The following UBN2 variants were observed in gnomAD, a reference collection of about 807,000 sequenced individuals.
UBN2 encodes the protein ubinuclein 2.
Under a neutral mutation model 120.2 loss-of-function variants are expected in UBN2, and 35 were observed. That is an observed-to-expected ratio of 0.29 (90% CI 0.22 to 0.39). The LOEUF (loss-of-function observed/expected upper bound fraction) is 0.39, where lower values mean the gene tolerates loss of function less well. Among genes scored for constraint, UBN2 ranks in the 10% least tolerant of loss-of-function variants. The pLI, the probability that UBN2 is intolerant of heterozygous loss-of-function variation, is 1.00. For synonymous variants in UBN2, 661 were observed against 648.7 expected, an observed-to-expected ratio of 1.02 and a Z score of -0.29; for missense variants, 1,693 against 1,663.2, an observed-to-expected ratio of 1.02 and a Z score of -0.31.
At chr7:139,312,710 T>G (rs12539274), downstream of UBN2, among the ~76,000 whole-genome samples, 15,098 of 152,222 alleles carry the variant, frequency 0.099, 1,344 homozygotes, top group Admixed American at 0.21. Context: ...AGTTTACTTA[T>G]GAAATATTTC....
At chr7:139,295,921 C>T (rs912567848) in intron 17 of UBN2, among the ~76,000 whole-genome samples, 3 of 151,504 alleles carry the variant, frequency 2.0e-5, no homozygotes, top group Non-Finnish European at 2.9e-5. Flanking sequence ...AGTCTGTCCC[C>T]CCCAAAAAAA....
downstream of UBN2, among the ~76,000 whole-genome samples, chr7:139,310,443 T>C (rs939556313): frequency 1.3e-5 from 2 of 152,208 alleles, no homozygotes; most frequent in Non-Finnish European, 2.9e-5. Context: ...TCTCCAGTTA[T>C]AAGCAGTGAT....
intron 5 of UBN2, among the ~76,000 whole-genome samples, 182 bp from the exon 6 acceptor site, chr7:139,261,070 G>A (rs190362400): frequency 1.7e-4 from 26 of 152,240 alleles, no homozygotes; most frequent in African/African-American, 5.3e-4. Context: ...TTTGCCTTTC[G>A]TGGGTGACAT....
At chr7:139,280,975 G>A (rs1797591308) in intron 13 of UBN2, among the ~76,000 whole-genome samples, 1 of 152,148 alleles carries the variant, frequency 6.6e-6, no homozygotes. Flanking sequence ...AGCCTACTTT[G>A]TCTTCTGATC....
rs115243689 is a variant in UBN2 at position 139,235,818 on chromosome 7, C to T, written c.469-1187C>T. Among the ~76,000 whole-genome samples the T allele has an allele frequency of 3.8e-3, 577 of 152,310 alleles. 8 individuals are homozygous for T. Among genetic ancestry groups the T allele is most frequent in the African/African-American group, 0.013 (537 of 41,562 alleles). On this transcript the variant is annotated intron_variant, in intron 1 of 17. Transcript: ENST00000473989. ...TCCTTTAAAGAAGTATCCCTTTATT[C>T]TAATGTCCCAAGTGTGAGGAATTGT... is the stretch of plus-strand genomic sequence containing the variant.
In UBN2 at chr7:139,307,802, C is replaced by G. The variant is rs1167589698; in HGVS notation, c.*9966C>G. 6.6e-6 allele frequency: 1 copy of G among 152,102 alleles called. No homozygotes were observed. Among genetic ancestry groups the G allele is most frequent in the Non-Finnish European group, 1.5e-5 (1 of 68,010 alleles). 9.4% of individuals were successfully genotyped at this position (152,102 alleles called of 1,614,324 possible). A position where few individuals can be genotyped will look rare whatever the true frequency, so the allele number is the denominator to read the frequency against. ...AACTTTAATGGTAAAACATTTCACA[C>G]TTTGGATGGTTTGCTTGTCTCTAGT... is the stretch of plus-strand genomic sequence containing the variant. On this transcript the variant is annotated 3_prime_UTR_variant, in exon 18 of 18. Transcript: ENST00000473989.
rs190673079 is a variant in UBN2 at position 139,308,048 on chromosome 7, T to C, written c.*10212T>C. 60 of 152,060 alleles carry C rather than the reference T, an allele frequency of 3.9e-4. No individual in the cohort carries two copies. The highest frequency in any genetic ancestry group is 1.4e-3 in the African/African-American group (60 of 41,498). The allele number at this position is 152,060 out of a possible 1,614,324, so 9.4% of individuals were successfully genotyped here. On this transcript the variant is annotated 3_prime_UTR_variant, in exon 18 of 18. Coordinates refer to ENST00000473989, the MANE Select transcript of UBN2 (RefSeq NM_173569.4). ...GTGTTTTTTTTTTTTTTTTAATTTT[T>C]TTGCAACAGCCTTGCTCATATTCCA...
chr7:139,278,085 A>G (rs1797496835), intron 12 of UBN2, among the ~76,000 whole-genome samples: 1 of 152,176 alleles, frequency 6.6e-6, no homozygotes, highest in Admixed American at 6.6e-5. Flanking sequence ...CTGTAGTTCT[A>G]AAGCCATATA....
intron 12 of UBN2, chr7:139,276,518 C>T: frequency 4.1e-6 from 1 of 241,768 alleles, no homozygotes; most frequent in South Asian, 5.8e-5. Flanking sequence ...TCCATATGCA[C>T]ACCCACCCTC....
At chr7:139,245,626 G>C (rs1584990112) in intron 2 of UBN2, among the ~76,000 whole-genome samples, 2 of 152,138 alleles carry the variant, frequency 1.3e-5, no homozygotes, top group East Asian at 3.8e-4. Flanking sequence ...GAACCTGTTT[G>C]TTTAGTTTTC....
chr7:139,253,355 T>C (rs937573177), intron 3 of UBN2, among the ~76,000 whole-genome samples: 2 of 152,178 alleles, frequency 1.3e-5, no homozygotes, highest in African/African-American at 4.8e-5. Context: ...TTTCTAGCAG[T>C]GGAATTTATT....
rs760237214 is a variant in UBN2, at chr7:139,284,210, G to C, written c.3305G>C (p.Ser1102Thr). The C allele has an allele frequency of 1.9e-6, 3 of 1,613,964 alleles. No individual in the cohort carries two copies. The highest frequency in any genetic ancestry group is 2.5e-6 in the Non-Finnish European group (3 of 1,180,036). Reference protein sequence around the residue: ...SSPNALVAQGSHSSTNSPVHK... With the variant: ...SSPNALVAQGTHSSTNSPVHK... ...CCAAATGCACTAGTTGCCCAGGGTAGCCACTCCAGCACTAACAGCCCAGTC... is the reference window on the plus strand; with the variant it reads ...CCAAATGCACTAGTTGCCCAGGGTACCCACTCCAGCACTAACAGCCCAGTC... The change falls in exon 15 of 18, where the codon AGC becomes ACC. Residue 1102 changes from serine to threonine, a missense_variant. Coordinates refer to ENST00000473989, the MANE Select transcript of UBN2 (RefSeq NM_173569.4).
At chr7:139,264,574 T>A (rs1797035850) in intron 6 of UBN2, among the ~76,000 whole-genome samples, 1 of 152,078 alleles carries the variant, frequency 6.6e-6, no homozygotes, top group Admixed American at 6.6e-5. Context: ...CCTACACTAT[T>A]TTTGTTTGTT....
At position 139,307,864 on chromosome 7, in the gene UBN2, A is replaced by C. The variant is rs1798389252; in HGVS notation, c.*10028A>C. On this transcript the variant is annotated 3_prime_UTR_variant, in exon 18 of 18. Coordinates refer to ENST00000473989, the MANE Select transcript of UBN2 (RefSeq NM_173569.4). ...TCTTATCACTCCTTCCTAAGAAAAA[A>C]GAAGGGCAGGTAAATTTTTTTAACC... 6.6e-6 allele frequency: 1 copy of C among 152,122 alleles called. No homozygotes were observed. Among genetic ancestry groups the C allele is most frequent in the Admixed American group, 6.5e-5 (1 of 15,270 alleles). 9.4% of individuals were successfully genotyped at this position (152,122 alleles called of 1,614,324 possible).
At position 139,300,018 on chromosome 7, in the gene UBN2, T is replaced by C. The variant is rs779628873; in HGVS notation, c.*2182T>C. 2 of 152,118 alleles carry C rather than the reference T, an allele frequency of 1.3e-5. No homozygotes were observed. Among genetic ancestry groups the C allele is most frequent in the Non-Finnish European group, 2.9e-5 (2 of 68,018 alleles). 9.4% of individuals were successfully genotyped at this position (152,118 alleles called of 1,614,324 possible). On this transcript the variant is annotated 3_prime_UTR_variant, in exon 18 of 18. Transcript: ENST00000473989. The stretch of plus-strand genomic sequence containing the variant: ...CACATACATTCATATAAATGACTAG[T>C]TTGAGTCAAAAAATCATTTGAATTT...
At chr7:139,247,122 A>T (rs1796491445) in intron 2 of UBN2, among the ~76,000 whole-genome samples, 1 of 152,072 alleles carries the variant, frequency 6.6e-6, no homozygotes. Context: ...CTTAATAAGA[A>T]ACTACCTGAT....
chr7:139,245,763 T>C (rs986001187), intron 2 of UBN2, among the ~76,000 whole-genome samples: 1 of 152,124 alleles, frequency 6.6e-6, no homozygotes, highest in Admixed American at 6.6e-5. Flanking sequence ...TAGGCTGATA[T>C]GAGAAAGCTG....
chr7:139,282,150 CTT>C, intron 14 of UBN2, 95 bp downstream of exon 14: 1 of 1,040,938 alleles, frequency 9.6e-7, no homozygotes, highest in Non-Finnish European at 1.5e-6. Flanking sequence ...TTTGATACGA[CTT>C]TTATGTAATA....
At chr7:139,282,822 A>G (rs1488461124) in intron 14 of UBN2, among the ~76,000 whole-genome samples, 2 of 152,130 alleles carry the variant, frequency 1.3e-5, no homozygotes, top group African/African-American at 4.8e-5. Flanking sequence ...GCTATGTGCA[A>G]TATATCAGAT....
Sources: allele counts gnomAD v4.1 joint callset (sites outside exome capture counted in the v4.1 genomes callset), GRCh38; gene constraint gnomAD v4.1.1; transcripts MANE v1.5; gene names NCBI Gene and HGNC (gene_info 2026-07-23, HGNC 2026-07-21).